Variants in ZNF662 observed in about 807,000 individuals in gnomAD.
ZNF662 encodes the protein zinc finger protein 662.
Under a neutral mutation model 12.4 loss-of-function variants are expected in ZNF662, and 14 were observed. That is an observed-to-expected ratio of 1.13 (90% CI 0.75 to 1.77). ZNF662 has a LOEUF of 1.77. Among genes scored for constraint, ZNF662 ranks in the 40% most tolerant of loss-of-function variants. The pLI, the probability that ZNF662 is intolerant of heterozygous loss-of-function variation, is 0.00. For missense variants in ZNF662, 550 were observed against 515.6 expected, an observed-to-expected ratio of 1.07 and a Z score of -0.65; for synonymous variants, 184 against 176.4, an observed-to-expected ratio of 1.04 and a Z score of -0.34.
At chr3:42,911,359 A>G (rs1467918958) in intron 3 of ZNF662, among the ~76,000 whole-genome samples, 3 of 152,158 alleles carry the variant, frequency 2.0e-5, no homozygotes, top group Non-Finnish European at 2.9e-5. Context: ...GGGCATAGCT[A>G]CTTTACAGTG....
Position 42,906,468 on chromosome 3 carries a change from C to T in ZNF662, c.-94+300C>T. 1 of 1,414,520 alleles carries T rather than the reference C, an allele frequency of 7.1e-7. No homozygotes were observed. Among genetic ancestry groups the T allele is most frequent in the Non-Finnish European group, 9.2e-7 (1 of 1,089,456 alleles). 87.6% of individuals were successfully genotyped at this position (1,414,520 alleles called of 1,614,324 possible). ...TGAGTGCGGGGCCGGAGCCTGGAAGCAGTCTTGGCCCTGCCCTGGGTTCTA... is the reference window on the plus strand; with the variant it reads ...TGAGTGCGGGGCCGGAGCCTGGAAGTAGTCTTGGCCCTGCCCTGGGTTCTA... On this transcript the variant is annotated intron_variant, in intron 1 of 4. Transcript: ENST00000440367. This position sits in a 1 kb window ranked among gnomAD's most constrained non-coding sequence, Gnocchi z 4.4.
At chr3:42,909,012 T>A in intron 3 of ZNF662, 103 bp downstream of exon 3, 1 of 692,370 alleles carries the variant, frequency 1.4e-6, no homozygotes, top group Non-Finnish European at 2.3e-6. Flanking sequence ...TAGACACTAG[T>A]GGGATTGCAT....
Position 42,908,010 on chromosome 3 carries a change from ATGT to A in ZNF662, c.-93-7_-93-5del, listed in dbSNP as rs746448971. On this transcript the variant is annotated splice_polypyrimidine_tract_variant and intron_variant, in intron 1 of 4. Coordinates refer to ENST00000440367, the MANE Select transcript of ZNF662 (RefSeq NM_207404.4). The stretch of plus-strand genomic sequence containing the variant: ...GGGTTGTCCTAGGGCATTTAAACAC[ATGT>A]TGTTTCAGGAGTCAGTGACCTTCGA... The A allele has an allele frequency of 1.2e-6, 2 of 1,613,968 alleles. No homozygotes were observed. Among genetic ancestry groups the A allele is most frequent in the Admixed American group, 1.7e-5 (1 of 60,006 alleles).
chr3:42,913,118 C>T, intron 3 of ZNF662, 83 bp from the exon 4 acceptor site: 1 of 948,906 alleles, frequency 1.1e-6, no homozygotes, highest in South Asian at 1.4e-5. Context: ...TATTCTCTCC[C>T]TACCACTTCC....
rs113168207 is a variant in ZNF662 at position 42,918,224 on chromosome 3, C to T, written c.*2870C>T. On this transcript the variant is annotated 3_prime_UTR_variant, in exon 5 of 5. Transcript: ENST00000440367. ...CAGGAATTTTTGCTCCTTAGTTCAGCTAAAATCTGGGTTCTTGTCTCATGA... is the reference window on the plus strand; with the variant it reads ...CAGGAATTTTTGCTCCTTAGTTCAGTTAAAATCTGGGTTCTTGTCTCATGA... 6.6e-3 allele frequency among the ~76,000 whole-genome samples: 997 copies of T among 152,196 alleles called. 10 individuals are homozygous for T. The highest frequency in any genetic ancestry group is 0.02 in the Middle Eastern group (6 of 294).
intron 2 of ZNF662, chr3:42,908,509 C>T: frequency 7.9e-7 from 1 of 1,262,074 alleles, no homozygotes; most frequent in Non-Finnish European, 1.0e-6. Context: ...AACTTGAGAG[C>T]TCTAAGAGGG....
At chr3:42,909,670 C>T (rs1003976004) in intron 3 of ZNF662, among the ~76,000 whole-genome samples, 32 of 143,826 alleles carry the variant, frequency 2.2e-4, no homozygotes, top group African/African-American at 7.1e-4. Context: ...ACCTCCCAGA[C>T]GGGGCAGCGG....
At chr3:42,908,221 G>T in intron 2 of ZNF662, 73 bp downstream of exon 2, 1 of 1,543,778 alleles carries the variant, frequency 6.5e-7, no homozygotes, top group South Asian at 1.2e-5. Context: ...CAAAGGCTCA[G>T]GAGTTGTTGA....
rs2088906468 is a variant in ZNF662, at chr3:42,917,467, C to T, written c.*2113C>T. 1 of 686,572 alleles carries T rather than the reference C, an allele frequency of 1.5e-6. No individual in the cohort carries two copies. The highest frequency in any genetic ancestry group is 2.6e-6 in the Non-Finnish European group (1 of 381,030). The allele number at this position is 686,572 out of a possible 1,614,324, so 42.5% of individuals were successfully genotyped here. A position where few individuals can be genotyped will look rare whatever the true frequency, so the allele number is the denominator to read the frequency against. On this transcript the variant is annotated 3_prime_UTR_variant, in exon 5 of 5. Coordinates refer to ENST00000440367, the MANE Select transcript of ZNF662 (RefSeq NM_207404.4). ...TTAAAAGGGGAGATTCTCAAGCTTC[C>T]AGGTGCTACCATATGGAGCCTAAGG...
rs1175029040 is a variant in ZNF662 at position 42,918,574 on chromosome 3, TG to T, written c.*3223del. 1.3e-5 allele frequency among the ~76,000 whole-genome samples: 2 copies of T among 152,216 alleles called. No homozygotes were observed. The highest frequency in any genetic ancestry group is 2.9e-5 in the Non-Finnish European group (2 of 68,048). ...GGCAATCCCCCTGTGCACAATGACCTGGGCAGCATTTGGCTGTCTCCTGATT... is the reference window on the plus strand; with the variant it reads ...GGCAATCCCCCTGTGCACAATGACCTGGCAGCATTTGGCTGTCTCCTGATT... On this transcript the variant is annotated 3_prime_UTR_variant, in exon 5 of 5. Coordinates refer to ENST00000440367, the MANE Select transcript of ZNF662 (RefSeq NM_207404.4).
rs1487897545 is a variant in ZNF662 at position 42,908,778 on chromosome 3, T to A, written c.35-15T>A. The A allele has an allele frequency of 3.7e-6, 6 of 1,612,306 alleles. No homozygotes were observed. Among genetic ancestry groups the A allele is most frequent in the Non-Finnish European group, 5.1e-6 (6 of 1,178,464 alleles). On this transcript the variant is annotated splice_polypyrimidine_tract_variant and intron_variant, in intron 2 of 4. Coordinates refer to ENST00000440367, the MANE Select transcript of ZNF662 (RefSeq NM_207404.4). ...CATGCCACTCACCTGCCTGTCCCAT[T>A]TCTTTCCTTTTAAGCAGCATTTCCA...
At chr3:42,911,222 C>A (rs2088784713) in intron 3 of ZNF662, among the ~76,000 whole-genome samples, 1 of 152,144 alleles carries the variant, frequency 6.6e-6, no homozygotes, top group African/African-American at 2.4e-5. Flanking sequence ...GTCTGAATTG[C>A]CAATCTCTGA....
At chr3:42,912,408 ATATT>A (rs1457697931) in intron 3 of ZNF662, among the ~76,000 whole-genome samples, 2 of 98,790 alleles carry the variant, frequency 2.0e-5, no homozygotes, top group African/African-American at 8.3e-5. Context: ...TATATATTAT[ATATT>A]ATATATATTA....
At chr3:42,910,348 G>C (rs1258746465) in intron 3 of ZNF662, among the ~76,000 whole-genome samples, 1 of 152,158 alleles carries the variant, frequency 6.6e-6, no homozygotes, top group Non-Finnish European at 1.5e-5. Context: ...CGTGCAAAGA[G>C]GGAGAGGGGG....
intron 2 of ZNF662, chr3:42,908,504 G>T: frequency 8.0e-7 from 1 of 1,246,170 alleles, no homozygotes; most frequent in African/African-American, 1.5e-5. Flanking sequence ...GTCTGAACTT[G>T]AGAGCTCTAA....
At position 42,908,075 on chromosome 3, in the gene ZNF662, C is replaced by G; in HGVS notation, c.-40C>G. ...TCTACTTCTCTGAGAACGAATGGAT[C>G]GGCCTGGGCCCTGCTCAGAGAGCCC... is the stretch of plus-strand genomic sequence containing the variant. On this transcript the variant is annotated 5_prime_UTR_variant, in exon 2 of 5. It adds an upstream start codon to the 5' untranslated region. Coordinates refer to ENST00000440367, the MANE Select transcript of ZNF662 (RefSeq NM_207404.4). The G allele has an allele frequency of 1.2e-6, 2 of 1,614,170 alleles. No individual in the cohort carries two copies. The highest frequency in any genetic ancestry group is 1.1e-5 in the South Asian group (1 of 91,080).
chr3:42,907,811 T>C (rs1438739199), intron 1 of ZNF662: 3 of 985,396 alleles, frequency 3.0e-6, no homozygotes. Flanking sequence ...TTTGCTGAAA[T>C]AAAGATGAAG....
rs776316815 is a variant in ZNF662, at chr3:42,908,784, CCTTTT to C, written c.35-8_35-4del. On this transcript the variant is annotated splice_polypyrimidine_tract_variant and splice_region_variant and intron_variant, in intron 2 of 4. Coordinates refer to ENST00000440367, the MANE Select transcript of ZNF662 (RefSeq NM_207404.4). Reference sequence around the variant, plus strand: ...ACTCACCTGCCTGTCCCATTTCTTTCCTTTTAAGCAGCATTTCCATTTCCCAAACC... The same window carrying C: ...ACTCACCTGCCTGTCCCATTTCTTTCAAGCAGCATTTCCATTTCCCAAACC... The C allele has an allele frequency of 1.9e-6, 3 of 1,613,128 alleles. No individual in the cohort carries two copies. The highest frequency in any genetic ancestry group is 1.7e-6 in the Non-Finnish European group (2 of 1,179,182).
chr3:42,909,419 A>G (rs1208244367), intron 3 of ZNF662, among the ~76,000 whole-genome samples: 1 of 151,914 alleles, frequency 6.6e-6, no homozygotes, highest in East Asian at 1.9e-4. Context: ...AGGCAGAAGA[A>G]TTTTTCTTAG....
Sources: allele counts gnomAD v4.1 joint callset (sites outside exome capture counted in the v4.1 genomes callset), GRCh38; gene constraint gnomAD v4.1.1; non-coding constraint Gnocchi (gnomAD v3.1); transcripts MANE v1.5; gene names NCBI Gene and HGNC (gene_info 2026-07-23, HGNC 2026-07-21).